The following IQGAP2 variants were observed in gnomAD, a reference collection of about 807,000 sequenced individuals.
IQGAP2 encodes the protein IQ motif containing GTPase activating protein 2.
IQGAP2 carries 173 observed loss-of-function variants against 201.3 expected under a neutral mutation model. That is an observed-to-expected ratio of 0.86 (90% CI 0.76 to 0.98). IQGAP2 has a LOEUF of 0.98. Among genes scored for constraint, IQGAP2 ranks in the 50% least tolerant of loss-of-function variants. The probability of loss-of-function intolerance (pLI) is 0.00; values close to 1 mark genes in which losing one functional copy is unlikely to be tolerated. For missense variants in IQGAP2, 1,687 were observed against 1,864.8 expected, an observed-to-expected ratio of 0.90 and a Z score of 1.76; for synonymous variants, 675 against 673.9, an observed-to-expected ratio of 1.00 and a Z score of -0.03.
intron 1 of IQGAP2, among the ~76,000 whole-genome samples, chr5:76,425,266 C>T (rs1245379329): frequency 6.6e-6 from 1 of 152,200 alleles, no homozygotes; most frequent in Non-Finnish European, 1.5e-5. Context: ...CTGGTGACCA[C>T]TATTCTGGGA....
In IQGAP2 at chr5:76,610,087, T is replaced by G. The variant is rs1325472085; in HGVS notation, c.1358-933T>G. Among the ~76,000 whole-genome samples the G allele has an allele frequency of 1.1e-3, 11 of 10,468 alleles. No homozygotes were observed. The East Asian group carries it at 0.041, about 39-fold the overall frequency. The allele number at this position is 10,468 out of a possible 152,430, so 6.9% of individuals were successfully genotyped here. ...CTCTCTCTCTCTCTCTATATATATA[T>G]ATATATATATATATATATATATATA... is the stretch of plus-strand genomic sequence containing the variant. On this transcript the variant is annotated intron_variant, in intron 12 of 35. Coordinates refer to ENST00000274364, the MANE Select transcript of IQGAP2 (RefSeq NM_006633.5).
At chr5:76,410,298 T>G (rs1018114116) in intron 1 of IQGAP2, among the ~76,000 whole-genome samples, 1 of 152,184 alleles carries the variant, frequency 6.6e-6, no homozygotes, top group Non-Finnish European at 1.5e-5. Flanking sequence ...ATTTGTACTG[T>G]GGAATCTTCT....
intron 2 of IQGAP2, among the ~76,000 whole-genome samples, chr5:76,528,558 C>T (rs1223526922): frequency 6.6e-6 from 1 of 152,090 alleles, no homozygotes; most frequent in African/African-American, 2.4e-5. Context: ...CAAAGTTGAT[C>T]CAGGCTTATG....
rs1385684098 is a variant in IQGAP2 at position 76,605,305 on chromosome 5, C to T, written c.1233-874C>T. ...AAACTGTATCTTCCAGAGGGCTATG[C>T]ACAGTGAGAAGGGTCATTGGTCATA... On this transcript the variant is annotated intron_variant, in intron 11 of 35. Coordinates refer to ENST00000274364, the MANE Select transcript of IQGAP2 (RefSeq NM_006633.5). Among the ~76,000 whole-genome samples, 3 of 152,146 alleles carry T rather than the reference C, an allele frequency of 2.0e-5. No individual in the cohort carries two copies. In the East Asian group the frequency reaches 5.8e-4, roughly 29 times the overall value.
chr5:76,414,683 A>G (rs1235696590), intron 1 of IQGAP2, among the ~76,000 whole-genome samples: 1 of 152,194 alleles, frequency 6.6e-6, no homozygotes, highest in Non-Finnish European at 1.5e-5. Flanking sequence ...ATGAATATAT[A>G]AAGATAATTT....
intron 1 of IQGAP2, among the ~76,000 whole-genome samples, chr5:76,447,545 G>T (rs1753468734): frequency 6.6e-6 from 1 of 152,212 alleles, no homozygotes; most frequent in Non-Finnish European, 1.5e-5. Flanking sequence ...CAGAATCGGT[G>T]GGTCTAGGGT....
chr5:76,688,018 T>G (rs1359503388), intron 30 of IQGAP2, among the ~76,000 whole-genome samples: 1 of 152,182 alleles, frequency 6.6e-6, no homozygotes, highest in African/African-American at 2.4e-5. Context: ...CTTTAAAATA[T>G]TGATTTGAAC....
chr5:76,405,122 A>G (rs1034923803), intron 1 of IQGAP2, among the ~76,000 whole-genome samples: 3 of 152,246 alleles, frequency 2.0e-5, no homozygotes, highest in African/African-American at 7.2e-5. Context: ...TTGCTATCAC[A>G]TGATTGATGT....
In IQGAP2 at chr5:76,695,835, CTTTTT is replaced by C. The variant is rs56984768; in HGVS notation, c.4206+188_4206+192del. ...TTCAAGGTTTCAAAGCAGTTGATGA[CTTTTT>C]TTTTTTTTTTTTTTTTTTGAGTTGG... On this transcript the variant is annotated intron_variant, in intron 32 of 35. Transcript: ENST00000274364. Among the ~76,000 whole-genome samples the C allele has an allele frequency of 3.6e-5, 3 of 83,104 alleles. No individual in the cohort carries two copies. In the South Asian group the frequency reaches 1.6e-3, roughly 43 times the overall value. The allele number at this position is 83,104 out of a possible 152,430, so 54.5% of individuals were successfully genotyped here. A position where few individuals can be genotyped will look rare whatever the true frequency, so the allele number is the denominator to read the frequency against.
intron 20 of IQGAP2, among the ~76,000 whole-genome samples, chr5:76,656,782 A>G (rs947204347): frequency 3.3e-5 from 5 of 152,186 alleles, no homozygotes; most frequent in African/African-American, 1.2e-4. Context: ...AGTTAGATCT[A>G]AGCTTCTCTG....
chr5:76,598,612 G>A (rs1747204933), intron 10 of IQGAP2, among the ~76,000 whole-genome samples: 1 of 152,184 alleles, frequency 6.6e-6, no homozygotes, highest in Non-Finnish European at 1.5e-5. Context: ...CACAGCTGCT[G>A]GGAGTATGAA....
chr5:76,514,949 A>G lies in IQGAP2; in HGVS notation c.147-47447A>G, dbSNP rs995714341. Among the ~76,000 whole-genome samples, 73 of 152,228 alleles carry G rather than the reference A, an allele frequency of 4.8e-4. 1 individual carries two copies. Among genetic ancestry groups the G allele is most frequent in the African/African-American group, 1.7e-3 (70 of 41,464 alleles). On this transcript the variant is annotated intron_variant, in intron 2 of 35. Transcript: ENST00000274364. ...ATTAGGTGAAATGGAAGAGAAACTCATTGCCTATATGACTGTTATTGTGAC... is the reference window on the plus strand; with the variant it reads ...ATTAGGTGAAATGGAAGAGAAACTCGTTGCCTATATGACTGTTATTGTGAC...
chr5:76,519,429 C>T (rs1758534718), intron 2 of IQGAP2, among the ~76,000 whole-genome samples: 1 of 152,144 alleles, frequency 6.6e-6, no homozygotes, highest in African/African-American at 2.4e-5. Flanking sequence ...GAGAGAGATA[C>T]CACAGTTTGT....
At chr5:76,414,780 G>A (rs1204143418) in intron 1 of IQGAP2, among the ~76,000 whole-genome samples, 2 of 152,190 alleles carry the variant, frequency 1.3e-5, no homozygotes, top group South Asian at 4.1e-4. Context: ...TCCTTCCTCA[G>A]TTCTCCAGTC....
intron 2 of IQGAP2, among the ~76,000 whole-genome samples, chr5:76,496,757 C>CTTTTT (rs780938080): frequency 1.3e-5 from 1 of 79,268 alleles, no homozygotes; most frequent in African/African-American, 7.0e-5. Flanking sequence ...TTCTTTCTTT[C>CTTTTT]TTTCTTTCTT....
intron 2 of IQGAP2, among the ~76,000 whole-genome samples, chr5:76,529,640 ATAAT>A (rs575909513): frequency 2.1e-5 from 1 of 47,950 alleles, no homozygotes; most frequent in Non-Finnish European, 4.7e-5. Context: ...AATAATAATA[ATAAT>A]AATAATAATA....
At chr5:76,451,683 A>G (rs2150115451) in intron 1 of IQGAP2, among the ~76,000 whole-genome samples, 1 of 152,344 alleles carries the variant, frequency 6.6e-6, no homozygotes, top group South Asian at 2.1e-4. Context: ...TTTGCAGTGG[A>G]CCTGGTATTA....
chr5:76,701,237 T>A, intron 34 of IQGAP2, 24 bp downstream of exon 34: 1 of 1,611,778 alleles, frequency 6.2e-7, no homozygotes, highest in Non-Finnish European at 8.5e-7. Context: ...GGAATCTGCA[T>A]AGAACACGCA....
At chr5:76,561,959 T>C (rs1231699269) in intron 2 of IQGAP2, among the ~76,000 whole-genome samples, 1 of 152,206 alleles carries the variant, frequency 6.6e-6, no homozygotes, top group African/African-American at 2.4e-5. Flanking sequence ...CTGAGGTAAC[T>C]GCAGATTTTA....
Sources: allele counts gnomAD v4.1 joint callset (sites outside exome capture counted in the v4.1 genomes callset), GRCh38; gene constraint gnomAD v4.1.1; transcripts MANE v1.5; gene names NCBI Gene and HGNC (gene_info 2026-07-23, HGNC 2026-07-21).